Variants in USP26 observed in about 807,000 individuals in gnomAD.
USP26 encodes ubiquitin carboxyl-terminal hydrolase 26.
For missense variants in USP26, 649 were observed against 642.3 expected, an observed-to-expected ratio of 1.01 and a Z score of -0.11; for synonymous variants, 236 against 240.6, an observed-to-expected ratio of 0.98 and a Z score of 0.18.
chrX:133,081,360 G>T (rs370953715), intron 5 of USP26, among the ~76,000 whole-genome samples: 1 of 32,090 alleles, frequency 3.1e-5, no homozygotes, highest in Non-Finnish European at 6.4e-5. Context: ...GCAGTGGCAC[G>T]ATCTCCACTC....
intron 5 of USP26, among the ~76,000 whole-genome samples, chrX:133,067,626 A>G (rs749512057): frequency 3.6e-5 from 4 of 112,598 alleles, no homozygotes; most frequent in African/African-American, 1.3e-4. Context: ...ACACAGGAAC[A>G]GAAAACAAAC....
intron 5 of USP26, 71 bp from the exon 6 acceptor site, chrX:133,028,367 T>C: frequency 2.9e-6 from 2 of 694,211 alleles, no homozygotes; most frequent in East Asian, 7.1e-5. Flanking sequence ...TAGTATTGGT[T>C]TTATACTAGA....
At chrX:133,045,228 A>G (rs2067434711) in intron 5 of USP26, among the ~76,000 whole-genome samples, 1 of 109,749 alleles carries the variant, frequency 9.1e-6, no homozygotes, top group African/African-American at 3.3e-5. Context: ...ACCAACCAGC[A>G]CTCTGTATCT....
rs933483882 is a variant in USP26, at chrX:133,094,841, T to A, written c.-393+2189A>T. On this transcript the variant is annotated intron_variant, in intron 1 of 5. Transcript: ENST00000511190. ...TGGGCACAGTGGCTCACGCCTGTAA[T>A]CCCAGCACTTTGGAAAGCCGAGGAG... Among the ~76,000 whole-genome samples, 3 of 111,481 alleles carry A rather than the reference T, an allele frequency of 2.7e-5. No homozygotes were observed. In the Admixed American group the frequency reaches 2.9e-4, roughly 11 times the overall value.
chrX:133,027,905 C>T lies in USP26; in HGVS notation c.316G>A (p.Val106Ile). 1.7e-6 allele frequency: 2 copies of T among 1,210,511 alleles called. No individual in the cohort carries two copies. The highest frequency in any genetic ancestry group is 3.5e-5 in the South Asian group (2 of 56,780). The change falls in exon 6 of 6, where the codon GTT becomes ATT. Residue 106 changes from valine to isoleucine, a missense_variant. Transcript: ENST00000511190. Reference sequence around the variant, plus strand: ...TTACCAGGTCTCACAGGTGGCTGAACCTCGTTTTGATGAACTCTGTCCAAG... The same window carrying T: ...TTACCAGGTCTCACAGGTGGCTGAATCTCGTTTTGATGAACTCTGTCCAAG... ...IFLDRVHQNE[V>I]QPPVRPGKGG...
At chrX:133,075,118 C>T (rs745430895) in intron 5 of USP26, among the ~76,000 whole-genome samples, 5 of 111,412 alleles carry the variant, frequency 4.5e-5, no homozygotes, top group African/African-American at 1.6e-4. Flanking sequence ...CCTTTTTCTT[C>T]TCCAGTACTC....
Position 133,026,384 on chromosome X carries a change from C to G in USP26, c.1837G>C (p.Gly613Arg), listed in dbSNP as rs201814640. ...GSDKESEQKK[G>R]QTVFKGASRR... ...CTTGCCCCTTTAAAGACTGTCTGGC[C>G]TTTTTTTTGTTCAGACTCCTTATCT... The change falls in exon 6 of 6, where the codon GGC (glycine) becomes CGC (arginine). Residue 613 changes from glycine to arginine, a missense_variant. Coordinates refer to ENST00000511190, the MANE Select transcript of USP26 (RefSeq NM_031907.3). 184 of 1,201,299 alleles carry G rather than the reference C, an allele frequency of 1.5e-4. No individual in the cohort carries two copies. Among genetic ancestry groups the G allele is most frequent in the Admixed American group, 2.0e-4 (9 of 44,488 alleles).
chrX:133,063,893 T>C (rs141956097), intron 5 of USP26, among the ~76,000 whole-genome samples: 482 of 112,008 alleles, frequency 4.3e-3, no homozygotes, highest in African/African-American at 0.015. Context: ...CAACCTTAAA[T>C]GTAAATGGAC....
At chrX:133,033,320 G>A (rs1046329614) in intron 5 of USP26, among the ~76,000 whole-genome samples, 30 of 111,919 alleles carry the variant, frequency 2.7e-4, no homozygotes, top group Non-Finnish European at 5.3e-4. Flanking sequence ...ACAAACGTCC[G>A]AGTCATTGTG....
In USP26 at chrX:133,027,136, A is replaced by G. The variant is rs780982548; in HGVS notation, c.1085T>C (p.Leu362Ser). 1.2e-5 allele frequency: 15 copies of G among 1,209,030 alleles called. No individual in the cohort carries two copies. In the African/African-American group the frequency reaches 1.4e-4, roughly 11 times the overall value. ...TGCTGAAATGGCCTTTTTAAGATTC[A>G]AGAGTAACATCTCCTTGATTTCTAT... Reference protein sequence around the residue: ...YNIEIKEMLLLNLKKAISAAA... With the variant: ...YNIEIKEMLLSNLKKAISAAA... Residue 362 changes from leucine to serine, a missense_variant, in exon 6 of 6, where the codon TTG (leucine) becomes TCG (serine). Physicochemically the swap from Leu to Ser is moderately radical, Grantham distance 145. Coordinates refer to ENST00000511190, the MANE Select transcript of USP26 (RefSeq NM_031907.3).
intron 5 of USP26, among the ~76,000 whole-genome samples, chrX:133,044,577 G>A (rs2067431580): frequency 8.8e-6 from 1 of 113,246 alleles, no homozygotes; most frequent in African/African-American, 3.2e-5. Flanking sequence ...CACTGGCGGT[G>A]CGCTCGATTT....
intron 5 of USP26, among the ~76,000 whole-genome samples, chrX:133,045,674 G>A (rs1418885178): frequency 4.5e-5 from 5 of 110,720 alleles, no homozygotes; most frequent in South Asian, 4.0e-4. Flanking sequence ...CTGCAGCTTC[G>A]CTCCTGAGCC....
In USP26 at chrX:133,024,064, G is replaced by T. The variant is rs945075176; in HGVS notation, c.*1415C>A. Reference sequence around the variant, plus strand: ...ATAATAGTGGTGGCACATGCTTGATGGCAAAATTATTAAATCCCCTGGATT... The same window carrying T: ...ATAATAGTGGTGGCACATGCTTGATTGCAAAATTATTAAATCCCCTGGATT... On this transcript the variant is annotated 3_prime_UTR_variant, in exon 6 of 6. Coordinates refer to ENST00000511190, the MANE Select transcript of USP26 (RefSeq NM_031907.3). 9.0e-6 allele frequency among the ~76,000 whole-genome samples: 1 copy of T among 111,594 alleles called. No individual in the cohort carries two copies. Among genetic ancestry groups the T allele is most frequent in the African/African-American group, 3.3e-5 (1 of 30,672 alleles).
intron 5 of USP26, among the ~76,000 whole-genome samples, chrX:133,076,989 C>T (rs2067551222): frequency 8.9e-6 from 1 of 112,294 alleles, no homozygotes; most frequent in African/African-American, 3.2e-5. Context: ...CTAATACAGA[C>T]ATCCATTTGG....
Position 133,025,723 on chromosome X carries a change from A to G in USP26, c.2498T>C (p.Leu833Pro). The change falls in exon 6 of 6, where the codon CTT becomes CCT. Residue 833 changes from leucine (L) to proline (P), a missense_variant. Leu to Pro is a moderately conservative substitution (Grantham distance 98). Coordinates refer to ENST00000511190, the MANE Select transcript of USP26 (RefSeq NM_031907.3). Reference sequence around the variant, plus strand: ...ATGGCCTGACTTTAGAGTCTTCCCAAGATGGCTGACAACACTAATGAGCCG... The same window carrying G: ...ATGGCCTGACTTTAGAGTCTTCCCAGGATGGCTGACAACACTAATGAGCCG... ...TYRLISVVSH[L>P]GKTLKSGHYI... 8.3e-7 allele frequency: 1 copy of G among 1,211,682 alleles called. No individual in the cohort carries two copies. Among genetic ancestry groups the G allele is most frequent in the Non-Finnish European group, 1.1e-6 (1 of 895,307 alleles).
chrX:133,093,980 CAAAAA>C (rs11327414), intron 1 of USP26, among the ~76,000 whole-genome samples: 12 of 24,958 alleles, frequency 4.8e-4, no homozygotes, highest in Admixed American at 1.3e-3. Flanking sequence ...GACCCTGTCT[CAAAAA>C]AAAAAAAAAA....
Position 133,063,600 on chromosome X carries a change from C to T in USP26, c.-77+20107G>A, listed in dbSNP as rs180826369. Among the ~76,000 whole-genome samples, 278 of 111,440 alleles carry T rather than the reference C, an allele frequency of 2.5e-3. 1 individual carries two copies. The highest frequency in any genetic ancestry group is 8.7e-3 in the African/African-American group (268 of 30,640). Reference sequence around the variant, plus strand: ...CAACATACTTAAATAAAAGAATTTTCAACCCAGAATTTCATATCCAGACAA... The same window carrying T: ...CAACATACTTAAATAAAAGAATTTTTAACCCAGAATTTCATATCCAGACAA... On this transcript the variant is annotated intron_variant, in intron 5 of 5. Transcript: ENST00000511190.
intron 5 of USP26, among the ~76,000 whole-genome samples, chrX:133,064,018 T>C (rs980949859): frequency 9.0e-6 from 1 of 111,632 alleles, no homozygotes; most frequent in East Asian, 2.8e-4. Context: ...AGGTTCAAAA[T>C]AAAGGGATGG....
intron 5 of USP26, among the ~76,000 whole-genome samples, chrX:133,062,042 T>C (rs747872513): frequency 1.7e-4 from 19 of 111,682 alleles, no homozygotes; most frequent in Non-Finnish European, 2.8e-4. Flanking sequence ...AGCACAGCAG[T>C]CTGAAGTCGA....
Sources: allele counts gnomAD v4.1 joint callset (sites outside exome capture counted in the v4.1 genomes callset), GRCh38; gene constraint gnomAD v4.1.1; transcripts MANE v1.5; gene names NCBI Gene and HGNC (gene_info 2026-07-23, HGNC 2026-07-21).